KLHL13: variants seen among roughly 807,000 people sequenced by gnomAD.
KLHL13 encodes kelch-like protein 13.
A neutral mutation model predicts 37.1 loss-of-function variants in KLHL13; 10 were observed. The ratio of observed to expected loss-of-function variants is 0.27; its 90% CI spans 0.17 to 0.46. KLHL13 has a LOEUF of 0.46. Ranked by LOEUF, KLHL13 falls within the 20% of genes least tolerant of loss-of-function variation. KLHL13 has a pLI of 1.00. For missense variants in KLHL13, 360 were observed against 509.3 expected, an observed-to-expected ratio of 0.71 and a Z score of 2.82; for synonymous variants, 163 against 181.2, an observed-to-expected ratio of 0.90 and a Z score of 0.81.
chrX:117,975,542 C>G (rs747738318), upstream of KLHL13, among the ~76,000 whole-genome samples: 1 of 111,690 alleles, frequency 9.0e-6, no homozygotes, highest in South Asian at 3.8e-4. Context: ...ATGCACCTGC[C>G]ACCATGCCTG....
chrX:117,916,038 A>AT (rs1931329827), intron 4 of KLHL13, among the ~76,000 whole-genome samples: 1 of 111,521 alleles, frequency 9.0e-6, no homozygotes, highest in Admixed American at 9.5e-5. Context: ...CATGCCTGTA[A>AT]TCCCAGCTAC....
chrX:117,961,677 G>C (rs768016656), intron 1 of KLHL13, among the ~76,000 whole-genome samples: 2 of 111,182 alleles, frequency 1.8e-5, no homozygotes, highest in East Asian at 5.7e-4. Flanking sequence ...TGCTGTCGCT[G>C]GCCTTAACGA....
chrX:117,972,957 T>C, exon 1 of KLHL13: 9 of 1,088,224 alleles, frequency 8.3e-6, no homozygotes, highest in Non-Finnish European at 9.5e-6. Flanking sequence ...ATTCTGCCAG[T>C]GCCCTTAAAC....
intron 1 of KLHL13, among the ~76,000 whole-genome samples, chrX:118,018,752 A>C (rs2054158518): frequency 9.0e-6 from 1 of 111,300 alleles, no homozygotes; most frequent in South Asian, 3.7e-4. Context: ...GCTATTATAA[A>C]TTGATTGTTT....
At chrX:118,084,650 C>T (rs1460211287) in intron 1 of KLHL13, among the ~76,000 whole-genome samples, 1 of 111,557 alleles carries the variant, frequency 9.0e-6, no homozygotes, top group East Asian at 2.8e-4. Context: ...AAAGTCCATA[C>T]CTAACCATAA....
chrX:118,105,749 A>G (rs777154377), intron 1 of KLHL13, among the ~76,000 whole-genome samples: 67 of 111,903 alleles, frequency 6.0e-4, no homozygotes, highest in Non-Finnish European at 1.1e-3. Context: ...TACCTATATG[A>G]TACCAAAAGT....
chrX:117,903,183 A>T (rs1239955261), intron 5 of KLHL13, among the ~76,000 whole-genome samples: 18 of 94,644 alleles, frequency 1.9e-4, no homozygotes, highest in African/African-American at 7.0e-4. Context: ...GGAGAGCGAG[A>T]GAGAGAGAGA....
chrX:117,919,409 G>A, intron 4 of KLHL13, 112 bp downstream of exon 5: 1 of 596,873 alleles, frequency 1.7e-6, no homozygotes, highest in South Asian at 2.5e-5. Flanking sequence ...CATACAACAA[G>A]ACACATCTGT....
intron 1 of KLHL13, among the ~76,000 whole-genome samples, chrX:118,104,600 C>T (rs1405737376): frequency 1.8e-5 from 2 of 111,634 alleles, no homozygotes; most frequent in Non-Finnish European, 3.8e-5. Flanking sequence ...AGACTGTCAC[C>T]GATCAAAATT....
intron 1 of KLHL13, among the ~76,000 whole-genome samples, chrX:118,079,163 A>T (rs1195661528): frequency 9.0e-6 from 1 of 111,233 alleles, no homozygotes; most frequent in Non-Finnish European, 1.9e-5. Context: ...AGGGCAAATG[A>T]TTTGAAATTG....
At chrX:118,051,953 G>A (rs746111673) in intron 1 of KLHL13, among the ~76,000 whole-genome samples, 1 of 111,596 alleles carries the variant, frequency 9.0e-6, no homozygotes, top group Non-Finnish European at 1.9e-5. Context: ...ATATTAAAAT[G>A]TAGTAAAAAA....
At chrX:117,956,000 A>G (rs2053198971) in intron 1 of KLHL13, among the ~76,000 whole-genome samples, 1 of 111,482 alleles carries the variant, frequency 9.0e-6, no homozygotes. Context: ...TTTTTCACCT[A>G]AAATGTTTTA....
At chrX:118,112,191 T>C (rs765050640) in intron 1 of KLHL13, among the ~76,000 whole-genome samples, 1 of 112,467 alleles carries the variant, frequency 8.9e-6, no homozygotes, top group African/African-American at 3.2e-5. Context: ...CAGTATTAAA[T>C]GATCTAACAT....
In KLHL13 at chrX:118,054,104, C is replaced by T. The variant is rs191388327; in HGVS notation, c.-56+62404G>A. Among the ~76,000 whole-genome samples the T allele has an allele frequency of 1.6e-3, 173 of 111,322 alleles. 2 individuals carry two copies. Among genetic ancestry groups the T allele is most frequent in the African/African-American group, 5.5e-3 (168 of 30,768 alleles). ...ACTGCTGAGCATTTTATAGGGAAAA[C>T]TAAGTGGCTTCATGTATTAAAGCTT... On this transcript the variant is annotated intron_variant, in intron 1 of 6. Transcript: ENST00000371882.
chrX:117,986,441 G>A (rs1417272337), intron 1 of KLHL13, among the ~76,000 whole-genome samples: 2 of 111,460 alleles, frequency 1.8e-5, no homozygotes, highest in African/African-American at 6.5e-5. Flanking sequence ...GACCATGCAC[G>A]CCAGAAAACA....
intron 1 of KLHL13, among the ~76,000 whole-genome samples, chrX:118,059,054 AGGCAT>A (rs751151998): frequency 7.9e-4 from 88 of 111,673 alleles, no homozygotes; most frequent in Non-Finnish European, 9.6e-4. Flanking sequence ...AGGCACACTA[AGGCAT>A]GACATAGAAG....
At chrX:118,046,165 AAAG>A (rs1355074390) in intron 1 of KLHL13, among the ~76,000 whole-genome samples, 1 of 112,815 alleles carries the variant, frequency 8.9e-6, no homozygotes, top group Non-Finnish European at 1.9e-5. Context: ...ATGAATGGAT[AAAG>A]AAGATGTAGT....
intron 1 of KLHL13, among the ~76,000 whole-genome samples, chrX:118,074,540 T>C (rs756529805): frequency 1.9e-4 from 21 of 111,823 alleles, no homozygotes; most frequent in Non-Finnish European, 3.0e-4. Flanking sequence ...TGGAGCAAGA[T>C]AGGGTAAATA....
chrX:118,073,161 T>C lies in KLHL13; in HGVS notation c.-56+43347A>G, dbSNP rs765371746. 2.7e-5 allele frequency among the ~76,000 whole-genome samples: 3 copies of C among 109,754 alleles called. No homozygotes were observed. In the South Asian group the frequency reaches 1.2e-3, roughly 44 times the overall value. The stretch of plus-strand genomic sequence containing the variant: ...CCCTCTATTTCTCCCTTCTCCCCTA[T>C]ATTAGTCTGTTTTCATGCTGCTGAT... On this transcript the variant is annotated intron_variant, in intron 1 of 6. Transcript: ENST00000371882.
Sources: allele counts gnomAD v4.1 joint callset (sites outside exome capture counted in the v4.1 genomes callset), GRCh38; gene constraint gnomAD v4.1.1; transcripts MANE v1.5; gene names NCBI Gene and HGNC (gene_info 2026-07-23, HGNC 2026-07-21).